The following C10orf90 variants were observed in gnomAD, a reference collection of about 807,000 sequenced individuals.
C10orf90 encodes chromosome 10 open reading frame 90, also known as (E2-independent) E3 ubiquitin-conjugating enzyme FATS.
A neutral mutation model predicts 62.5 loss-of-function variants in C10orf90; 56 were observed. The ratio of observed to expected loss-of-function variants is 0.90; its 90% CI spans 0.72 to 1.12. The LOEUF is 1.12. C10orf90 is among the 50% of genes most tolerant of loss of function. The pLI is 0.00. For synonymous variants in C10orf90, 386 were observed against 340.4 expected, an observed-to-expected ratio of 1.13 and a Z score of -1.47; for missense variants, 970 against 880.4, an observed-to-expected ratio of 1.10 and a Z score of -1.29.
At chr10:126,590,636 T>G (rs1282738046) in intron 2 of C10orf90, among the ~76,000 whole-genome samples, 1 of 151,972 alleles carries the variant, frequency 6.6e-6, no homozygotes, top group Non-Finnish European at 1.5e-5. Flanking sequence ...TCTTTGAAAC[T>G]AATGAGAACA....
chr10:126,630,073 G>T (rs1157688647), intron 2 of C10orf90, among the ~76,000 whole-genome samples: 1 of 152,224 alleles, frequency 6.6e-6, no homozygotes, highest in African/African-American at 2.4e-5. Context: ...GCGGCTGCCT[G>T]TGTGTGCACT....
chr10:126,625,285 C>G (rs986131604), intron 2 of C10orf90, among the ~76,000 whole-genome samples: 2 of 152,196 alleles, frequency 1.3e-5, no homozygotes, highest in African/African-American at 4.8e-5. Context: ...CTGCAAGACA[C>G]TCATCACACA....
chr10:126,613,564 C>A (rs577210574), intron 2 of C10orf90, among the ~76,000 whole-genome samples: 1 of 152,160 alleles, frequency 6.6e-6, no homozygotes, highest in Non-Finnish European at 1.5e-5. Context: ...CTATTTTAAT[C>A]CACTGATGCA....
At chr10:126,480,744 T>A (rs1051072604) in intron 4 of C10orf90, among the ~76,000 whole-genome samples, 1 of 152,260 alleles carries the variant, frequency 6.6e-6, no homozygotes, top group Non-Finnish European at 1.5e-5. Flanking sequence ...GGAATCCATA[T>A]GCAAGCACTA....
chr10:126,622,352 T>A (rs746652246), intron 2 of C10orf90, among the ~76,000 whole-genome samples: 3 of 152,152 alleles, frequency 2.0e-5, no homozygotes, highest in Non-Finnish European at 4.4e-5. Context: ...TGCCCACTGG[T>A]GAACTCTGTT....
intron 2 of C10orf90, among the ~76,000 whole-genome samples, chr10:126,539,920 G>A (rs937057234): frequency 1.3e-5 from 2 of 152,202 alleles, no homozygotes; most frequent in Non-Finnish European, 2.9e-5. Flanking sequence ...GAGGCACGAA[G>A]CTGGAATGGA....
At chr10:126,618,069 G>C (rs1845577241) in intron 2 of C10orf90, among the ~76,000 whole-genome samples, 2 of 152,128 alleles carry the variant, frequency 1.3e-5, no homozygotes, top group South Asian at 4.1e-4. Context: ...AAGGGAATAG[G>C]GCTCCCTCAC....
chr10:126,475,870 C>G (rs1030734635), intron 4 of C10orf90, among the ~76,000 whole-genome samples: 5 of 152,182 alleles, frequency 3.3e-5, no homozygotes, highest in African/African-American at 1.2e-4. Flanking sequence ...GCTCTGATCA[C>G]AGAATCCCCT....
At chr10:126,565,175 T>TTATGTAATATAATATTTATATTACATAA (rs1844324443) in intron 2 of C10orf90, among the ~76,000 whole-genome samples, 6 of 21,964 alleles carry the variant, frequency 2.7e-4, no homozygotes, top group Admixed American at 9.0e-4. Flanking sequence ...ATATTACATA[T>TTATGTAATATAATATTTATATTACATAA]TATGTAATAT....
At chr10:126,509,577 C>T (rs1338385229) in intron 3 of C10orf90, among the ~76,000 whole-genome samples, 1 of 152,198 alleles carries the variant, frequency 6.6e-6, no homozygotes, top group African/African-American at 2.4e-5. Context: ...GTTATTCATA[C>T]ATACAGTCAC....
intron 2 of C10orf90, among the ~76,000 whole-genome samples, chr10:126,601,141 T>A (rs905546099): frequency 2.6e-5 from 4 of 152,162 alleles, no homozygotes; most frequent in Non-Finnish European, 4.4e-5. Context: ...GGAATTTTTT[T>A]AAAGGTCAAA....
rs1223872033 is a variant in C10orf90, at chr10:126,425,139, A to G, written c.*725T>C. 1.3e-5 allele frequency: 2 copies of G among 152,220 alleles called. No individual in the cohort carries two copies. The highest frequency in any genetic ancestry group is 3.8e-4 in the East Asian group (2 of 5,202). The allele number at this position is 152,220 out of a possible 1,614,324, so 9.4% of individuals were successfully genotyped here. On this transcript the variant is annotated 3_prime_UTR_variant, in exon 10 of 10. Transcript: ENST00000488181. ...GACAGCAAAGTTGGACCATTAGGCT[A>G]TTTCTTAACAAAAGAACTGTTTTAA...
chr10:126,583,679 G>A (rs2134018626), intron 2 of C10orf90, among the ~76,000 whole-genome samples: 1 of 152,306 alleles, frequency 6.6e-6, no homozygotes, highest in East Asian at 1.9e-4. Flanking sequence ...CCTTGCCACA[G>A]CTGTCCGGAG....
intron 2 of C10orf90, among the ~76,000 whole-genome samples, chr10:126,565,295 TTATATTA>T (rs1844340532): frequency 1.5e-5 from 1 of 68,448 alleles, no homozygotes; most frequent in South Asian, 3.8e-4. Context: ...TATTATATAT[TTATATTA>T]TATATTATAT....
intron 7 of C10orf90, among the ~76,000 whole-genome samples, chr10:126,449,992 CAAA>C (rs113405837): frequency 5.7e-5 from 6 of 105,442 alleles, no homozygotes; most frequent in Admixed American, 9.5e-5. Context: ...GACGCCATCT[CAAA>C]AAAAAAAAAA....
At chr10:126,565,159 ATATTT>A (rs1844322300) in intron 2 of C10orf90, among the ~76,000 whole-genome samples, 1 of 61,034 alleles carries the variant, frequency 1.6e-5, no homozygotes, top group Non-Finnish European at 3.0e-5. Flanking sequence ...ATGTAATATA[ATATTT>A]ATATTACATA....
chr10:126,449,631 C>A (rs1859038249), intron 7 of C10orf90, among the ~76,000 whole-genome samples: 1 of 152,074 alleles, frequency 6.6e-6, no homozygotes, highest in South Asian at 2.1e-4. Context: ...GTAGAAACCC[C>A]TAAAAACTCC....
At chr10:126,579,910 G>T (rs1844710745) in intron 2 of C10orf90, among the ~76,000 whole-genome samples, 1 of 152,176 alleles carries the variant, frequency 6.6e-6, no homozygotes, top group South Asian at 2.1e-4. Context: ...GTTAGCATTT[G>T]TTCGAAATCA....
chr10:126,530,365 A>G (rs1335721673), intron 2 of C10orf90, among the ~76,000 whole-genome samples: 1 of 152,130 alleles, frequency 6.6e-6, no homozygotes, highest in Non-Finnish European at 1.5e-5. Context: ...TTTAAAACAC[A>G]CAGAAATTTC....
Sources: gnomAD v4.1 joint callset for allele counts (sites outside exome capture counted in the v4.1 genomes callset) on GRCh38, gnomAD v4.1.1 for gene constraint, MANE v1.5 for transcripts, NCBI Gene and HGNC (gene_info 2026-07-23, HGNC 2026-07-21) for gene names.